Variants in CDH12 observed in about 807,000 individuals in gnomAD.
CDH12 encodes cadherin-12.
In CDH12, 41 loss-of-function variants were observed where a neutral mutation model predicts 74.1. The ratio of observed to expected loss-of-function variants is 0.55; its 90% confidence interval spans 0.43 to 0.72. The LOEUF (loss-of-function observed/expected upper bound fraction) is 0.72, where lower values mean the gene tolerates loss of function less well. Ranked by LOEUF, CDH12 falls within the 30% of genes least tolerant of loss-of-function variation. CDH12 has a pLI of 0.00. For missense variants in CDH12, 945 were observed against 977.2 expected, an observed-to-expected ratio of 0.97 and a Z score of 0.44; for synonymous variants, 399 against 355.0, an observed-to-expected ratio of 1.12 and a Z score of -1.39.
At chr5:22,049,635 C>T (rs188692961) in intron 5 of CDH12, among the ~76,000 whole-genome samples, 39 of 152,240 alleles carry the variant, frequency 2.6e-4, no homozygotes, top group Non-Finnish European at 5.3e-4. Context: ...GTTTTAACAA[C>T]TCAGTGTCCT....
At chr5:22,125,267 C>A (rs1453481774) in intron 4 of CDH12, among the ~76,000 whole-genome samples, 1 of 152,074 alleles carries the variant, frequency 6.6e-6, no homozygotes, top group Non-Finnish European at 1.5e-5. Flanking sequence ...CCTTGTCCCC[C>A]ACTCCCCGAC....
At chr5:22,847,581 A>G (rs1404389201) in intron 1 of CDH12, among the ~76,000 whole-genome samples, 1 of 152,160 alleles carries the variant, frequency 6.6e-6, no homozygotes, top group Non-Finnish European at 1.5e-5. Flanking sequence ...ACATTTACTG[A>G]GCATTTGAAG....
intron 9 of CDH12, among the ~76,000 whole-genome samples, chr5:21,813,797 T>A (rs1747886429): frequency 6.6e-6 from 1 of 152,284 alleles, no homozygotes. Context: ...AGTCTTTTTT[T>A]ATTTTTCACC....
intron 6 of CDH12, among the ~76,000 whole-genome samples, chr5:21,965,990 A>G (rs1284036122): frequency 2.6e-5 from 4 of 152,118 alleles, no homozygotes; most frequent in Non-Finnish European, 1.5e-5. Context: ...CCATGAGTCT[A>G]TAACATTGAA....
At chr5:22,255,925 C>T (rs1309273929) in intron 3 of CDH12, among the ~76,000 whole-genome samples, 1 of 151,978 alleles carries the variant, frequency 6.6e-6, no homozygotes, top group African/African-American at 2.4e-5. Context: ...TTGTTTCTTG[C>T]ATTTCATTAC....
chr5:21,904,905 C>G (rs1473159002), intron 6 of CDH12, among the ~76,000 whole-genome samples: 1 of 152,106 alleles, frequency 6.6e-6, no homozygotes, highest in Non-Finnish European at 1.5e-5. Context: ...GGTGAAATTG[C>G]AGATGTATTA....
intron 2 of CDH12, among the ~76,000 whole-genome samples, chr5:22,440,425 T>C (rs147194569): frequency 0.01 from 1,555 of 152,208 alleles, 12 homozygotes; most frequent in Non-Finnish European, 0.011. Flanking sequence ...AAACTGGACA[T>C]TATTACTCTT....
chr5:22,605,296 A>G (rs1416147475), intron 1 of CDH12, among the ~76,000 whole-genome samples: 6 of 152,098 alleles, frequency 3.9e-5, no homozygotes, highest in Admixed American at 3.3e-4. Context: ...TTCATAATAA[A>G]TCTCTTTCTC....
At position 21,928,654 on chromosome 5, in the gene CDH12, G is replaced by C. The variant is rs937827017; in HGVS notation, c.526+46437C>G. ...TCGTGTCTTCTAAAAATTCTATCAA[G>C]AGTTTTTTTTTAATTTTGTATTTTT... On this transcript the variant is annotated intron_variant, in intron 6 of 14. Coordinates refer to ENST00000382254, the MANE Select transcript of CDH12 (RefSeq NM_004061.5). Among the ~76,000 whole-genome samples the C allele has an allele frequency of 3.3e-5, 5 of 151,870 alleles. No individual in the cohort carries two copies. The South Asian group carries it at 6.2e-4, about 19-fold the overall frequency.
intron 5 of CDH12, among the ~76,000 whole-genome samples, chr5:22,071,198 TTC>T (rs1491568634): frequency 6.6e-6 from 1 of 152,016 alleles, no homozygotes; most frequent in African/African-American, 2.4e-5. Context: ...AAATAATATT[TTC>T]TTTTTTTCTA....
intron 1 of CDH12, among the ~76,000 whole-genome samples, chr5:22,831,154 T>C (rs999926357): frequency 6.6e-6 from 1 of 151,802 alleles, no homozygotes. Context: ...ATGAATAATA[T>C]GAAATAAGGG....
At chr5:22,460,176 A>G (rs1487012149) in intron 2 of CDH12, among the ~76,000 whole-genome samples, 4 of 152,206 alleles carry the variant, frequency 2.6e-5, no homozygotes, top group African/African-American at 9.6e-5. Flanking sequence ...TAAAAAATGT[A>G]AAGATTCTTT....
chr5:22,150,539 C>CATAT lies in CDH12; in HGVS notation c.-187+61955_-187+61958dup, dbSNP rs1341233910. On this transcript the variant is annotated intron_variant, in intron 4 of 14. Transcript: ENST00000382254. ...TATATATATAGAACACACACACACACATATATATATATGAAACATAAGAAT... is the reference window on the plus strand; with the variant it reads ...TATATATATAGAACACACACACACACATATATATATATATATGAAACATAAGAAT... Among the ~76,000 whole-genome samples, 679 of 150,844 alleles carry CATAT rather than the reference C, an allele frequency of 4.5e-3. 4 individuals carry two copies. The highest frequency in any genetic ancestry group is 0.016 in the African/African-American group (641 of 41,060).
At chr5:22,561,710 G>A (rs994269528) in intron 1 of CDH12, among the ~76,000 whole-genome samples, 6 of 152,088 alleles carry the variant, frequency 3.9e-5, no homozygotes, top group East Asian at 1.9e-4. Flanking sequence ...GAAGTCAAGA[G>A]GGAGCTAAAT....
intron 3 of CDH12, among the ~76,000 whole-genome samples, chr5:22,352,576 G>A (rs888152931): frequency 2.6e-5 from 4 of 152,060 alleles, no homozygotes; most frequent in African/African-American, 4.8e-5. Flanking sequence ...GAGAGACAAC[G>A]TTATAAATTT....
chr5:21,782,098 G>C (rs1012194646), intron 11 of CDH12, among the ~76,000 whole-genome samples: 1 of 152,184 alleles, frequency 6.6e-6, no homozygotes, highest in Non-Finnish European at 1.5e-5. Flanking sequence ...GACTGGACTA[G>C]AAGCTCAAAG....
At chr5:22,627,445 T>TAAA (rs34379996) in intron 1 of CDH12, among the ~76,000 whole-genome samples, 2 of 144,918 alleles carry the variant, frequency 1.4e-5, no homozygotes, top group Admixed American at 6.9e-5. Flanking sequence ...TCACTATTAT[T>TAAA]AAAAAAAAAA....
chr5:22,544,196 C>T (rs897777908), intron 1 of CDH12, among the ~76,000 whole-genome samples: 4 of 151,960 alleles, frequency 2.6e-5, no homozygotes, highest in African/African-American at 9.7e-5. Context: ...CAAATAATCA[C>T]AGTTGCCTTC....
chr5:22,165,490 A>C (rs1170269861), intron 4 of CDH12, among the ~76,000 whole-genome samples: 1 of 69,102 alleles, frequency 1.4e-5, no homozygotes, highest in African/African-American at 5.4e-5. Context: ...ACATACACAT[A>C]CACATACACA....
Sources: allele counts gnomAD v4.1 joint callset (sites outside exome capture counted in the v4.1 genomes callset), GRCh38; gene constraint gnomAD v4.1.1; transcripts MANE v1.5; gene names NCBI Gene and HGNC (gene_info 2026-07-23, HGNC 2026-07-21).